The following KCNT2 variants were observed in gnomAD, a reference collection of about 807,000 sequenced individuals.
KCNT2 encodes potassium channel subfamily T member 2.
KCNT2 carries 67 observed loss-of-function variants against 153.8 expected under a neutral mutation model. That is an observed-to-expected ratio of 0.44 (90% confidence interval 0.36 to 0.53). The LOEUF is 0.53. KCNT2 is among the 20% of genes least tolerant of loss of function. KCNT2 has a pLI of 0.00. For missense variants in KCNT2, 975 were observed against 1,354.8 expected, an observed-to-expected ratio of 0.72 and a Z score of 4.40; for synonymous variants, 500 against 458.8, an observed-to-expected ratio of 1.09 and a Z score of -1.15.
At chr1:196,313,731 T>C (rs1236602133) in intron 21 of KCNT2, among the ~76,000 whole-genome samples, 1 of 151,586 alleles carries the variant, frequency 6.6e-6, no homozygotes. Flanking sequence ...CTTAGAGAAA[T>C]AATAGTAATG....
At chr1:196,382,279 T>TG (rs1407036684) in intron 13 of KCNT2, among the ~76,000 whole-genome samples, 1 of 151,366 alleles carries the variant, frequency 6.6e-6, no homozygotes, top group Non-Finnish European at 1.5e-5. Flanking sequence ...TTATTTTTTT[T>TG]TGTATTTTTA....
chr1:196,305,769 A>G (rs1250554963), intron 21 of KCNT2, among the ~76,000 whole-genome samples: 2 of 152,152 alleles, frequency 1.3e-5, no homozygotes, highest in African/African-American at 2.4e-5. Context: ...TTCATGTCCT[A>G]TGGCTCCTTA....
At chr1:196,437,134 T>G (rs1299684842) in intron 8 of KCNT2, among the ~76,000 whole-genome samples, 4 of 103,804 alleles carry the variant, frequency 3.9e-5, no homozygotes, top group African/African-American at 1.5e-4. Context: ...TGCAATAAAT[T>G]TTTTAATTTA....
intron 8 of KCNT2, among the ~76,000 whole-genome samples, chr1:196,450,125 T>C (rs1335675329): frequency 1.3e-5 from 2 of 151,882 alleles, no homozygotes; most frequent in Admixed American, 1.3e-4. Context: ...TCATTGCATT[T>C]TCACTCATTT....
At chr1:196,508,323 A>C (rs1681331151) in intron 1 of KCNT2, among the ~76,000 whole-genome samples, 1 of 151,922 alleles carries the variant, frequency 6.6e-6, no homozygotes, top group Non-Finnish European at 1.5e-5. Flanking sequence ...ATAATGGTTA[A>C]TATTTTTGAC....
intron 26 of KCNT2, among the ~76,000 whole-genome samples, chr1:196,250,448 A>G (rs767879905): frequency 1.2e-4 from 19 of 152,200 alleles, no homozygotes; most frequent in Admixed American, 2.6e-4. Context: ...ATGAAGCTAG[A>G]CCATTACCTC....
At chr1:196,600,508 T>G (rs190511404) in intron 1 of KCNT2, among the ~76,000 whole-genome samples, 6 of 44,102 alleles carry the variant, frequency 1.4e-4, no homozygotes, top group Non-Finnish European at 8.9e-5. Flanking sequence ...TCACTATCAG[T>G]GATTGTTTTA....
intron 11 of KCNT2, 90 bp from the exon 12 acceptor site, chr1:196,423,203 T>G (rs961227569): frequency 2.1e-5 from 16 of 768,454 alleles, no homozygotes; most frequent in Non-Finnish European, 3.5e-5. Flanking sequence ...GTCCATATAT[T>G]GCACAAAATG....
intron 21 of KCNT2, among the ~76,000 whole-genome samples, chr1:196,315,069 T>A (rs1662572802): frequency 6.6e-6 from 1 of 151,622 alleles, no homozygotes; most frequent in Non-Finnish European, 1.5e-5. Context: ...ATAATTAACC[T>A]CAATATATGC....
At chr1:196,295,713 A>G (rs1051615584) in intron 22 of KCNT2, among the ~76,000 whole-genome samples, 4 of 152,060 alleles carry the variant, frequency 2.6e-5, no homozygotes, top group African/African-American at 9.6e-5. Context: ...TTTATTGAGC[A>G]TACAAACCAT....
chr1:196,301,239 C>T (rs1307990669), intron 22 of KCNT2, among the ~76,000 whole-genome samples: 1 of 152,002 alleles, frequency 6.6e-6, no homozygotes, highest in East Asian at 1.9e-4. Flanking sequence ...ACTATGTGTC[C>T]CCCCAAAATC....
chr1:196,276,942 GATTCACTGTTTA>G (rs1428871593), intron 25 of KCNT2, among the ~76,000 whole-genome samples: 1 of 151,930 alleles, frequency 6.6e-6, no homozygotes, highest in East Asian at 1.9e-4. Context: ...TTGGTGATGT[GATTCACTGTTTA>G]ATTCACTGTT....
intron 22 of KCNT2, among the ~76,000 whole-genome samples, chr1:196,294,300 T>G (rs940510895): frequency 2.0e-5 from 3 of 152,102 alleles, no homozygotes; most frequent in Non-Finnish European, 4.4e-5. Context: ...TTTTTGAGAC[T>G]GAATCTCGCT....
At chr1:196,550,076 C>T (rs987015772) in intron 1 of KCNT2, among the ~76,000 whole-genome samples, 2 of 151,902 alleles carry the variant, frequency 1.3e-5, no homozygotes, top group African/African-American at 4.8e-5. Context: ...TTCTGATACA[C>T]TTTAGCCCAT....
At chr1:196,449,158 T>C (rs1487993537) in intron 8 of KCNT2, among the ~76,000 whole-genome samples, 1 of 151,618 alleles carries the variant, frequency 6.6e-6, no homozygotes, top group Non-Finnish European at 1.5e-5. Flanking sequence ...GACCGAGTAC[T>C]CTCAATTGTC....
intron 27 of KCNT2, among the ~76,000 whole-genome samples, chr1:196,234,426 CA>C (rs1654234883): frequency 6.6e-6 from 1 of 151,044 alleles, no homozygotes; most frequent in Non-Finnish European, 1.5e-5. Flanking sequence ...AATCAATAAT[CA>C]AGTCTCATTT....
intron 1 of KCNT2, among the ~76,000 whole-genome samples, chr1:196,601,204 T>G (rs145875899): frequency 6.6e-6 from 1 of 152,256 alleles, no homozygotes; most frequent in African/African-American, 2.4e-5. Flanking sequence ...ACCAGCATCT[T>G]CTCATCCTTA....
intron 26 of KCNT2, among the ~76,000 whole-genome samples, chr1:196,251,381 AGT>A (rs1484075018): frequency 6.6e-6 from 1 of 152,010 alleles, no homozygotes; most frequent in Non-Finnish European, 1.5e-5. Context: ...TGTGTTTAGC[AGT>A]GTGTTTTTTG....
At chr1:196,259,774 A>G (rs960507262) in intron 25 of KCNT2, 1 of 151,942 alleles carries the variant, frequency 6.6e-6, no homozygotes, top group Non-Finnish European at 1.5e-5. Flanking sequence ...TATCAGAGGG[A>G]TATCCAAAAA....
Sources: allele counts gnomAD v4.1 joint callset (sites outside exome capture counted in the v4.1 genomes callset), GRCh38; gene constraint gnomAD v4.1.1; transcripts MANE v1.5; gene names NCBI Gene and HGNC (gene_info 2026-07-23, HGNC 2026-07-21).